NDUFA11: variants seen among roughly 807,000 people sequenced by gnomAD.
The protein encoded by NDUFA11 is NADH:ubiquinone oxidoreductase subunit A11.
Under a neutral mutation model 11.3 loss-of-function variants are expected in NDUFA11, and 14 were observed. The observed-to-expected ratio is 1.24, with a 90% confidence interval of 0.82 to 1.94. NDUFA11 has a LOEUF of 1.94. NDUFA11 is among the 30% of genes most tolerant of loss of function. NDUFA11 has a pLI of 0.00. For synonymous variants in NDUFA11, 87 were observed against 85.6 expected (o/e 1.02, Z -0.09); for missense variants, 204 against 200.3 (o/e 1.02, Z -0.11).
chr19:5,900,380 CTTCA>C (rs539480163), intron 1 of NDUFA11, among the ~76,000 whole-genome samples: 271 of 152,306 alleles, frequency 1.8e-3, no homozygotes, highest in Admixed American at 3.7e-3. Flanking sequence ...CCACAAGATG[CTTCA>C]TTCATTCATT....
chr19:5,896,606 C>G lies in NDUFA11; in HGVS notation c.191-31G>C. 1.3e-6 allele frequency: 2 copies of G among 1,555,996 alleles called. No individual in the cohort carries two copies. The highest frequency in any genetic ancestry group is 1.2e-5 in the South Asian group (1 of 84,528). On this transcript the variant is annotated intron_variant, in intron 2 of 3. Coordinates refer to ENST00000308961, the MANE Select transcript of NDUFA11 (RefSeq NM_175614.5). This position sits in a 1 kb window ranked among gnomAD's most constrained non-coding sequence, Gnocchi z 5.8. Reference sequence around the variant, plus strand: ...GGGTAGACGGGAAGAGCAAGGGCCTCGAGACGGGCACAGCAGGAGCCTCTT... The same window carrying G: ...GGGTAGACGGGAAGAGCAAGGGCCTGGAGACGGGCACAGCAGGAGCCTCTT...
chr19:5,898,233 T>C (rs73920084), intron 1 of NDUFA11, among the ~76,000 whole-genome samples: 5,204 of 152,068 alleles, frequency 0.034, 192 homozygotes, highest in South Asian at 0.13. Flanking sequence ...CCACCACGAC[T>C]GCCCCAGGGG....
chr19:5,898,905 G>A (rs144622857), intron 1 of NDUFA11, among the ~76,000 whole-genome samples: 1,787 of 150,696 alleles, frequency 0.012, 13 homozygotes, highest in South Asian at 0.027. Context: ...AAGAAAGAAA[G>A]GTGGATGGAG....
downstream of NDUFA11, chr19:5,893,378 T>C: frequency 3.3e-6 from 2 of 614,424 alleles, no homozygotes; most frequent in South Asian, 2.0e-5. This position sits in a 1 kb window ranked among gnomAD's most constrained non-coding sequence, Gnocchi z 4.1. Flanking sequence ...GATGAGAGAG[T>C]CGCATAAGCC....
chr19:5,893,045 G>A (rs188726115), downstream of NDUFA11: 52 of 1,535,734 alleles, frequency 3.4e-5, no homozygotes, highest in South Asian at 1.9e-4. The surrounding 1 kb of genome is among the most constrained non-coding windows in gnomAD (Gnocchi z 4.1). Flanking sequence ...CCCGAGGCCC[G>A]GGCACCCAGC....
intron 1 of NDUFA11, chr19:5,901,194 G>A: frequency 1.3e-6 from 1 of 787,858 alleles, no homozygotes; most frequent in South Asian, 2.1e-5. Context: ...TGAGACCGCA[G>A]CCCACTCATT....
At chr19:5,898,840 C>T (rs2057626133) in intron 1 of NDUFA11, among the ~76,000 whole-genome samples, 2 of 148,504 alleles carry the variant, frequency 1.3e-5, no homozygotes, top group African/African-American at 5.0e-5. Flanking sequence ...CGCCACTGCA[C>T]TCCAGCCTGG....
At chr19:5,899,060 A>T (rs2057627976) in intron 1 of NDUFA11, among the ~76,000 whole-genome samples, 1 of 150,382 alleles carries the variant, frequency 6.6e-6, no homozygotes, top group African/African-American at 2.5e-5. Flanking sequence ...CACTTCAGTC[A>T]GTGCACACAC....
At chr19:5,897,074 G>T in intron 1 of NDUFA11, 77 bp from the exon 2 acceptor site, 2 of 1,170,592 alleles carry the variant, frequency 1.7e-6, no homozygotes, top group Non-Finnish European at 1.3e-6. Context: ...CCACTGGGTG[G>T]TCTCCCTCCC....
At chr19:5,902,926 G>A (rs2057654885) in intron 1 of NDUFA11, among the ~76,000 whole-genome samples, 1 of 149,416 alleles carries the variant, frequency 6.7e-6, no homozygotes, top group Admixed American at 6.8e-5. Flanking sequence ...CAAGGGAATT[G>A]CTCGAACCAG....
chr19:5,902,121 A>G (rs950457461), intron 1 of NDUFA11, among the ~76,000 whole-genome samples: 1 of 147,528 alleles, frequency 6.8e-6, no homozygotes, highest in Admixed American at 6.8e-5. Context: ...GACTACAGGC[A>G]CCCGCCATCA....
Position 5,903,757 on chromosome 19 carries a change from G to T in NDUFA11, c.-49C>A, listed in dbSNP as rs752608152. ...CACGGACCCCGCCAGCTCGGGAAGC[G>T]CAAGGGCAGCCGCGGCTGGCTATCG... On this transcript the variant is annotated 5_prime_UTR_variant, in exon 1 of 4. Coordinates refer to ENST00000308961, the MANE Select transcript of NDUFA11 (RefSeq NM_175614.5). 8 of 1,531,704 alleles carry T rather than the reference G, an allele frequency of 5.2e-6. No individual in the cohort carries two copies. Among genetic ancestry groups the T allele is most frequent in the African/African-American group, 4.1e-5 (3 of 72,680 alleles). 94.9% of individuals were successfully genotyped at this position (1,531,704 alleles called of 1,614,324 possible).
chr19:5,897,811 G>C (rs758140190), intron 1 of NDUFA11, among the ~76,000 whole-genome samples: 1 of 152,234 alleles, frequency 6.6e-6, no homozygotes, highest in Non-Finnish European at 1.5e-5. Context: ...GGGTGCCTAG[G>C]GGCGTCCTGA....
At chr19:5,895,925 C>G (rs2057604978) in intron 3 of NDUFA11, 1 of 186,010 alleles carries the variant, frequency 5.4e-6, no homozygotes, top group Non-Finnish European at 1.1e-5. Flanking sequence ...GGGGGCAGCT[C>G]CCCTGCAGGG....
chr19:5,892,992 C>A (rs1187718861), downstream of NDUFA11: 1 of 1,524,662 alleles, frequency 6.6e-7, no homozygotes, highest in South Asian at 1.2e-5. Context: ...GGGCCCCTGC[C>A]CCTCTGGGTG....
In NDUFA11 at chr19:5,898,581, G is replaced by A. The variant is rs531673710; in HGVS notation, c.98-1584C>T. Among the ~76,000 whole-genome samples, 4 of 152,298 alleles carry A rather than the reference G, an allele frequency of 2.6e-5. No individual in the cohort carries two copies. In the South Asian group the frequency reaches 8.3e-4, roughly 32 times the overall value. On this transcript the variant is annotated intron_variant, in intron 1 of 3. Coordinates refer to ENST00000308961, the MANE Select transcript of NDUFA11 (RefSeq NM_175614.5). ...TGGGATTCCTGCTCGACCTCAGAAA[G>A]GTGGATGGAGGACCAGGCGCAGTGG...
chr19:5,903,047 C>A (rs1333208529), intron 1 of NDUFA11, among the ~76,000 whole-genome samples: 4 of 149,940 alleles, frequency 2.7e-5, no homozygotes, highest in South Asian at 2.1e-4. Flanking sequence ...CCAGGGCTTG[C>A]GGGTCCCCTT....
Position 5,895,138 on chromosome 19 carries a change from C to T in NDUFA11, c.314-284G>A, listed in dbSNP as rs1354781531. ...CCCTGCGAGGACACCGTGCTGCCCC[C>T]AGCTGGGGCTGGGGCAAGGCTGGGC... On this transcript the variant is annotated intron_variant, in intron 3 of 3. Coordinates refer to ENST00000308961, the MANE Select transcript of NDUFA11 (RefSeq NM_175614.5). The T allele has an allele frequency of 2.7e-5, 12 of 450,768 alleles. No individual in the cohort carries two copies. The Admixed American group carries it at 3.5e-4, about 13-fold the overall frequency. 27.9% of individuals were successfully genotyped at this position (450,768 alleles called of 1,614,324 possible). A position where few individuals can be genotyped will look rare whatever the true frequency, so the allele number is the denominator to read the frequency against.
At chr19:5,901,531 T>C in intron 1 of NDUFA11, 1 of 1,189,614 alleles carries the variant, frequency 8.4e-7, no homozygotes, top group South Asian at 1.3e-5. Context: ...TGATTAGGTC[T>C]GCCCTAATTC....
Sources: allele counts gnomAD v4.1 joint callset (sites outside exome capture counted in the v4.1 genomes callset), GRCh38; gene constraint gnomAD v4.1.1; non-coding constraint Gnocchi (gnomAD v3.1); transcripts MANE v1.5; gene names NCBI Gene and HGNC (gene_info 2026-07-23, HGNC 2026-07-21).